MYNN: variants seen among roughly 807,000 people sequenced by gnomAD.
The protein encoded by MYNN is zinc finger and BTB domain-containing protein 31.
Under a neutral mutation model 57.2 loss-of-function variants are expected in MYNN, and 22 were observed. The observed-to-expected ratio is 0.38, with a 90% CI of 0.27 to 0.55. The LOEUF (loss-of-function observed/expected upper bound fraction) is 0.55, where lower values mean the gene tolerates loss of function less well. Ranked by LOEUF, MYNN falls within the 20% of genes least tolerant of loss-of-function variation. The pLI is 0.71. For synonymous variants in MYNN, 241 were observed against 257.1 expected, an observed-to-expected ratio of 0.94 and a Z score of 0.60; for missense variants, 566 against 723.1, an observed-to-expected ratio of 0.78 and a Z score of 2.49.
In MYNN at chr3:169,774,441, T is replaced by C; in HGVS notation, c.146T>C (p.Phe49Ser). 1 of 1,614,130 alleles carries C rather than the reference T, an allele frequency of 6.2e-7. No homozygotes were observed. Residue 49 changes from phenylalanine (F) to serine (S), a missense_variant, in exon 2 of 8, where the codon TTT becomes TCT. By Grantham distance (155) the Phe-to-Ser change is radical. This residue lies in a region of MYNN where 261 missense variants were observed against 280.8 expected (regional missense o/e 0.93). Transcript: ENST00000349841. ...RNVLASFSEY[F>S]GAIYRSTSEN... Reference sequence around the variant, plus strand: ...GTGCTGGCCTCCTTTAGTGAGTATTTTGGTGCGATCTACAGAAGCACTTCT... The same window carrying C: ...GTGCTGGCCTCCTTTAGTGAGTATTCTGGTGCGATCTACAGAAGCACTTCT...
In MYNN at chr3:169,778,915, G is replaced by C; in HGVS notation, c.414G>C (p.Leu138Phe). 6.2e-7 allele frequency: 1 copy of C among 1,614,000 alleles called. No individual in the cohort carries two copies. Among genetic ancestry groups the C allele is most frequent in the Non-Finnish European group, 8.5e-7 (1 of 1,180,002 alleles). ...EISSITGNIE[L>F]NQQTCLLTLR... ...CTAGTATTACTGGAAACATTGAATT[G>C]AATCAACAGACTTGTCTTCTTACTC... Residue 138 changes from leucine (L) to phenylalanine (F), a missense_variant, in exon 3 of 8, where the codon TTG becomes TTC. Physicochemically the swap from Leu to Phe is conservative, Grantham distance 22. Transcript: ENST00000349841.
chr3:169,782,745 T>C lies in MYNN; in HGVS notation c.1399+102T>C. 1.2e-6 allele frequency: 1 copy of C among 813,592 alleles called. No individual in the cohort carries two copies. The highest frequency in any genetic ancestry group is 1.9e-6 in the Non-Finnish European group (1 of 520,130). 50.4% of individuals were successfully genotyped at this position (813,592 alleles called of 1,614,324 possible). On this transcript the variant is annotated intron_variant, in intron 5 of 7. Transcript: ENST00000349841. The surrounding 1 kb of genome is among the most constrained non-coding windows in gnomAD (Gnocchi z 4.8). Reference sequence around the variant, plus strand: ...GTAGATCGGAAACTTTGTAGTTAGATATCTGTTTATATTTCTATAAGCTAT... The same window carrying C: ...GTAGATCGGAAACTTTGTAGTTAGACATCTGTTTATATTTCTATAAGCTAT...
chr3:169,774,684 G>C (rs1413919778), intron 2 of MYNN, 123 bp downstream of exon 2: 1 of 899,698 alleles, frequency 1.1e-6, no homozygotes, highest in African/African-American at 1.7e-5. Flanking sequence ...TGCACACAAT[G>C]TTTGTTTTTA....
intron 2 of MYNN, among the ~76,000 whole-genome samples, chr3:169,776,604 T>C (rs905180556): frequency 5.3e-5 from 8 of 152,172 alleles, no homozygotes; most frequent in Non-Finnish European, 7.3e-5. Flanking sequence ...AAATCTGTTA[T>C]TGAAGTATTG....
At position 169,780,648 on chromosome 3, in the gene MYNN, A is replaced by T. The variant is rs1169912520; in HGVS notation, c.1119A>T (p.Leu373=). 3 of 1,612,760 alleles carry T rather than the reference A, an allele frequency of 1.9e-6. No homozygotes were observed. Among genetic ancestry groups the T allele is most frequent in the Non-Finnish European group, 2.5e-6 (3 of 1,179,494 alleles). ...CDKGFAQKCQ[L]VFHSRMHHGE... is the part of the protein sequence containing the mutation. ...AAGGATTTGCTCAGAAATGTCAGCT[A>T]GTCTTCCATAGTCGCATGCATCATG... Residue 373 remains leucine (L), a synonymous_variant, in exon 4 of 8, where the codon CTA becomes CTT. Transcript: ENST00000349841.
intron 2 of MYNN, chr3:169,778,467 A>G (rs1252714056): frequency 4.6e-6 from 1 of 218,460 alleles, no homozygotes. Context: ...ACCATCAGCT[A>G]TTTTTGTGTT....
At chr3:169,775,809 A>G (rs188095651) in intron 2 of MYNN, among the ~76,000 whole-genome samples, 2 of 152,300 alleles carry the variant, frequency 1.3e-5, no homozygotes, top group African/African-American at 2.4e-5. Context: ...GCATGTATAC[A>G]TTAAGCAAAA....
At chr3:169,780,530 T>C (rs956658958) in intron 3 of MYNN, 60 bp from the exon 4 acceptor site, 10 of 1,261,848 alleles carry the variant, frequency 7.9e-6, no homozygotes, top group African/African-American at 1.5e-5. Flanking sequence ...TGAAATCTTA[T>C]ATGACTTATG....
At position 169,782,700 on chromosome 3, in the gene MYNN, G is replaced by C. The variant is rs1778555141; in HGVS notation, c.1399+57G>C. The C allele has an allele frequency of 2.1e-6, 3 of 1,432,424 alleles. No individual in the cohort carries two copies. Among genetic ancestry groups the C allele is most frequent in the Non-Finnish European group, 2.8e-6 (3 of 1,052,940 alleles). 88.7% of individuals were successfully genotyped at this position (1,432,424 alleles called of 1,614,324 possible). On this transcript the variant is annotated intron_variant, in intron 5 of 7. Coordinates refer to ENST00000349841, the MANE Select transcript of MYNN (RefSeq NM_018657.5). The surrounding 1 kb of genome is among the most constrained non-coding windows in gnomAD (Gnocchi z 4.8). ...AAAGTTATAAATAAAAGAAAAAGGGGACTTGGGCCTTTTAGCGAAGTAGAT... is the reference window on the plus strand; with the variant it reads ...AAAGTTATAAATAAAAGAAAAAGGGCACTTGGGCCTTTTAGCGAAGTAGAT...
rs1318154227 is a variant in MYNN at position 169,778,880 on chromosome 3, A to G, written c.379A>G (p.Thr127Ala). The G allele has an allele frequency of 4.3e-6, 7 of 1,614,022 alleles. No homozygotes were observed. Among genetic ancestry groups the G allele is most frequent in the African/African-American group, 4.0e-5 (3 of 75,046 alleles). ...DFAFIANPSS[T>A]EISSITGNIE... is the part of the protein sequence containing the mutation. ...TGCTTTTATTGCTAATCCTTCTTCT[A>G]CAGAGATATCTAGTATTACTGGAAA... The change falls in exon 3 of 8, where the codon ACA (threonine) becomes GCA (alanine). Residue 127 changes from threonine to alanine, a missense_variant. Physicochemically the swap from Thr to Ala is moderately conservative, Grantham distance 58. Around this residue, in one of 4 missense-constraint regions of MYNN, gnomAD observed 261 missense variants for 280.8 expected, o/e 0.93. Transcript: ENST00000349841.
chr3:169,779,665 T>C (rs1417711430), intron 3 of MYNN, 104 bp downstream of exon 3: 7 of 1,147,732 alleles, frequency 6.1e-6, no homozygotes, highest in Non-Finnish European at 6.0e-6. Context: ...GAATTTGGTA[T>C]ATTTTTCTAT....
intron 2 of MYNN, among the ~76,000 whole-genome samples, 195 bp downstream of exon 2, chr3:169,774,756 TAAAC>T (rs1330990881): frequency 2.6e-5 from 4 of 152,184 alleles, no homozygotes; most frequent in Admixed American, 6.5e-5. Context: ...GCACAGATAA[TAAAC>T]AGTAAGATTT....
intron 6 of MYNN, among the ~76,000 whole-genome samples, chr3:169,784,064 C>G (rs1778600839): frequency 6.6e-6 from 1 of 151,970 alleles, no homozygotes; most frequent in South Asian, 2.1e-4. Context: ...AAAATTCCTT[C>G]TCATAATTCC....
At position 169,786,551 on chromosome 3, in the gene MYNN, G is replaced by A; in HGVS notation, c.1706G>A (p.Gly569Glu). 1.2e-6 allele frequency: 2 copies of A among 1,613,528 alleles called. No homozygotes were observed. The highest frequency in any genetic ancestry group is 3.3e-4 in the Middle Eastern group (2 of 6,060). Residue 569 changes from glycine (G) to glutamate (E), a missense_variant, in exon 8 of 8, where the codon GGG becomes GAG. Gly to Glu is a moderately conservative substitution (Grantham distance 98). Coordinates refer to ENST00000349841, the MANE Select transcript of MYNN (RefSeq NM_018657.5). ...DMTLPLALPL[G>E]TEDHHMLLPV... Reference sequence around the variant, plus strand: ...ACTTTACCATTAGCTCTTCCACTTGGGACTGAGGACCATCACATGCTTCTG... The same window carrying A: ...ACTTTACCATTAGCTCTTCCACTTGAGACTGAGGACCATCACATGCTTCTG...
chr3:169,780,891 A>G, intron 4 of MYNN, 142 bp downstream of exon 4: 4 of 722,588 alleles, frequency 5.5e-6, no homozygotes, highest in Non-Finnish European at 8.5e-6. Context: ...AGGAACCACA[A>G]GGAAGCCACA....
chr3:169,777,894 A>G (rs1418570133), intron 2 of MYNN: 2 of 152,202 alleles, frequency 1.3e-5, no homozygotes, highest in Non-Finnish European at 2.9e-5. Context: ...TGTTCCTCTA[A>G]GTGGATTCCT....
Position 169,784,719 on chromosome 3 carries a change from G to C in MYNN, c.1570+11G>C. ...CAAAAGTCCATTCTGGTAAATGCTT[G>C]TGTTTTGTTTGCTTGTTTGTTTGTT... is the stretch of plus-strand genomic sequence containing the variant. On this transcript the variant is annotated intron_variant, in intron 7 of 7. Coordinates refer to ENST00000349841, the MANE Select transcript of MYNN (RefSeq NM_018657.5). 2 of 1,517,914 alleles carry C rather than the reference G, an allele frequency of 1.3e-6. No homozygotes were observed. Among genetic ancestry groups the C allele is most frequent in the Middle Eastern group, 1.7e-4 (1 of 5,816 alleles). The allele number at this position is 1,517,914 out of a possible 1,614,324, so 94.0% of individuals were successfully genotyped here.
intron 2 of MYNN, among the ~76,000 whole-genome samples, chr3:169,776,157 CT>C (rs1317540685): frequency 6.6e-6 from 1 of 152,154 alleles, no homozygotes; most frequent in East Asian, 1.9e-4. Context: ...GAGCACTTTT[CT>C]TTGAGACTTC....
Position 169,780,720 on chromosome 3 carries a change from A to C in MYNN, c.1191A>C (p.Ala397=), listed in dbSNP as rs1047229535. The part of the protein sequence containing the change: ...YKCDVCNLQF[A]TSSNLKIHAR... ...GTGATGTATGCAACTTACAGTTTGC[A>C]ACTTCTAGCAATCTCAAGATTCATG... Residue 397 remains alanine, a synonymous_variant, in exon 4 of 8, where the codon GCA becomes GCC. Coordinates refer to ENST00000349841, the MANE Select transcript of MYNN (RefSeq NM_018657.5). 6 of 1,599,640 alleles carry C rather than the reference A, an allele frequency of 3.8e-6. 1 individual carries two copies. In the Admixed American group the frequency reaches 1.1e-4, roughly 29 times the overall value.
Sources: allele counts gnomAD v4.1 joint callset (sites outside exome capture counted in the v4.1 genomes callset), GRCh38; gene constraint gnomAD v4.1.1; regional missense constraint gnomAD v4.1.1; non-coding constraint Gnocchi (gnomAD v3.1); transcripts MANE v1.5; gene names NCBI Gene and HGNC (gene_info 2026-07-23, HGNC 2026-07-21).